SLC46A1: variants seen among roughly 807,000 people sequenced by gnomAD.
SLC46A1 encodes solute carrier family 46 member 1, also known as proton-coupled folate transporter.
In SLC46A1, 17 loss-of-function variants were observed where a neutral mutation model predicts 32.1. That is an observed-to-expected ratio of 0.53 (90% confidence interval 0.36 to 0.79). The LOEUF is 0.79. Among genes scored for constraint, SLC46A1 ranks in the 30% least tolerant of loss-of-function variants. The pLI, the probability that SLC46A1 is intolerant of heterozygous loss-of-function variation, is 0.00. For synonymous variants in SLC46A1, 240 were observed against 262.7 expected (o/e 0.91, Z 0.84); for missense variants, 517 against 588.2 (o/e 0.88, Z 1.25).
intron 1 of SLC46A1, 148 bp from the exon 2 acceptor site, chr17:28,405,616 G>C: frequency 1.6e-6 from 2 of 1,244,816 alleles, no homozygotes; most frequent in Non-Finnish European, 2.2e-6. Flanking sequence ...AAATCTGCCA[G>C]TGGAGAGGGG....
rs1288817381 is a variant in SLC46A1 at position 28,398,706 on chromosome 17, G to T, written c.*950C>A. The T allele has an allele frequency of 6.6e-6, 1 of 152,284 alleles. No individual in the cohort carries two copies. The highest frequency in any genetic ancestry group is 1.5e-5 in the Non-Finnish European group (1 of 68,104). The allele number at this position is 152,284 out of a possible 1,614,324, so 9.4% of individuals were successfully genotyped here. On this transcript the variant is annotated 3_prime_UTR_variant, in exon 5 of 5. Coordinates refer to ENST00000612814, the MANE Select transcript of SLC46A1 (RefSeq NM_080669.6). ...CCACACTCATTCATCCTTTCCCCAGGCCCATGAAGAGAGGCATCTCATTGT... is the reference window on the plus strand; with the variant it reads ...CCACACTCATTCATCCTTTCCCCAGTCCCATGAAGAGAGGCATCTCATTGT...
Position 28,405,924 on chromosome 17 carries a change from C to T in SLC46A1, c.191G>A (p.Gly64Glu), listed in dbSNP as rs2142469782. 2 of 1,609,410 alleles carry T rather than the reference C, an allele frequency of 1.2e-6. No individual in the cohort carries two copies. The highest frequency in any genetic ancestry group is 1.8e-4 in the Middle Eastern group (1 of 5,524). ...GTCCGCGCTGCGGTTGCTGCAGCCC[C>T]CCCTTTGGCGGGTGCCATTGTAGCC... ...DLGYNGTRQR[G>E]GCSNRSADPT... Residue 64 changes from glycine (G) to glutamate (E), a missense_variant, in exon 1 of 5, where the codon GGG (glycine) becomes GAG (glutamate). By Grantham distance (98) the Gly-to-Glu change is moderately conservative. Coordinates refer to ENST00000612814, the MANE Select transcript of SLC46A1 (RefSeq NM_080669.6).
At position 28,404,959 on chromosome 17, in the gene SLC46A1, A is replaced by C. The variant is rs1555590618; in HGVS notation, c.738T>G (p.Arg246=). The C allele has an allele frequency of 1.9e-6, 3 of 1,614,034 alleles. No individual in the cohort carries two copies. In the South Asian group the frequency reaches 3.3e-5, roughly 18 times the overall value. Residue 246 remains arginine (R), a synonymous_variant, in exon 2 of 5, where the codon CGT becomes CGG. Coordinates refer to ENST00000612814, the MANE Select transcript of SLC46A1 (RefSeq NM_080669.6). ...EPKSTRLFTF[R]HHRSIVQLYV... is the part of the protein sequence containing the mutation. ...AGAGCTGGACAATGGATCGGTGGTG[A>C]CGGAACGTGAAGAGCCGGGTGGACT...
At position 28,399,080 on chromosome 17, in the gene SLC46A1, G is replaced by A. The variant is rs1167983887; in HGVS notation, c.*576C>T. 1 of 152,916 alleles carries A rather than the reference G, an allele frequency of 6.5e-6. No individual in the cohort carries two copies. Among genetic ancestry groups the A allele is most frequent in the Non-Finnish European group, 1.5e-5 (1 of 68,468 alleles). The allele number at this position is 152,916 out of a possible 1,614,324, so 9.5% of individuals were successfully genotyped here. The stretch of plus-strand genomic sequence containing the variant: ...TGTAATGATTGGCACTCTTCAGCCA[G>A]GGGAGTGGGTAGGCCATAGCCAAGG... On this transcript the variant is annotated 3_prime_UTR_variant, in exon 5 of 5. Transcript: ENST00000612814.
Position 28,402,244 on chromosome 17 carries a change from C to A in SLC46A1, c.1159G>T (p.Glu387Ter). Residue 387 changes from glutamate (E) to a stop codon, truncating the protein, a stop_gained, in exon 3 of 5, where the codon GAG becomes TAG. Transcript: ENST00000612814. LOFTEE classifies it high-confidence loss of function. The part of the protein sequence containing the change: ...AKLSKLVRET[E>*]QGALFSAVAC... ...GGTGGGTTCTGACACTCACCCTGCT[C>A]TGTCTCTCTCACCAGCTTGGAGAGT... 6.2e-7 allele frequency: 1 copy of A among 1,612,968 alleles called. No individual in the cohort carries two copies. Among genetic ancestry groups the A allele is most frequent in the East Asian group, 2.2e-5 (1 of 44,874 alleles).
chr17:28,402,298 A>C lies in SLC46A1; in HGVS notation c.1105T>G (p.Leu369Val). ...GCCCGGATGACAGGTGTGATGACTAATGACAGGAAAAGCAACCCATATCCT... is the reference window on the plus strand; with the variant it reads ...GCCCGGATGACAGGTGTGATGACTACTGACAGGAAAAGCAACCCATATCCT... ...FTGYGLLFLSLVITPVIRAKL... is the reference protein window; with the variant it reads ...FTGYGLLFLSVVITPVIRAKL... Residue 369 changes from leucine to valine, a missense_variant, in exon 3 of 5, where the codon TTA becomes GTA. Coordinates refer to ENST00000612814, the MANE Select transcript of SLC46A1 (RefSeq NM_080669.6). 1.9e-6 allele frequency: 3 copies of C among 1,613,560 alleles called. No individual in the cohort carries two copies. Among genetic ancestry groups the C allele is most frequent in the Non-Finnish European group, 1.7e-6 (2 of 1,179,724 alleles).
chr17:28,400,915 G>A, intron 3 of SLC46A1, 149 bp from the exon 4 acceptor site: 1 of 739,924 alleles, frequency 1.4e-6, no homozygotes, highest in Non-Finnish European at 2.3e-6. Context: ...CATGTACTGT[G>A]ACAAGGATTC....
chr17:28,400,231 C>T (rs1302010667), intron 4 of SLC46A1: 1 of 263,348 alleles, frequency 3.8e-6, no homozygotes, highest in Non-Finnish European at 7.4e-6. Flanking sequence ...AGGAAAAAGT[C>T]AGCGGGTCAA....
At chr17:28,406,249 G>T, upstream of SLC46A1, 2 of 671,872 alleles carry the variant, frequency 3.0e-6, no homozygotes, top group Non-Finnish European at 2.1e-6. The surrounding 1 kb of genome is among the most constrained non-coding windows in gnomAD (Gnocchi z 4.5). Context: ...AATGTCCGGC[G>T]GGGAGGGGCC....
intron 4 of SLC46A1, 108 bp from the exon 5 acceptor site, chr17:28,399,821 C>T: frequency 9.4e-7 from 1 of 1,068,834 alleles, no homozygotes; most frequent in Non-Finnish European, 1.4e-6. Flanking sequence ...GGTAGCTCTC[C>T]TGAACCTCCT....
At position 28,396,536 on chromosome 17, in the gene SLC46A1, T is replaced by C. The variant is rs147971222; in HGVS notation, c.*3120A>G. 2,443 of 541,756 alleles carry C rather than the reference T, an allele frequency of 4.5e-3. 15 individuals are homozygous for C. The highest frequency in any genetic ancestry group is 0.012 in the Middle Eastern group (25 of 2,052). 33.6% of individuals were successfully genotyped at this position (541,756 alleles called of 1,614,324 possible). A position where few individuals can be genotyped will look rare whatever the true frequency, so the allele number is the denominator to read the frequency against. On this transcript the variant is annotated 3_prime_UTR_variant, in exon 5 of 5. Transcript: ENST00000612814. ...CCCCAGGCCCTGCCATTGGGTTGTC[T>C]GTCTCCGTCATGGGGAGGGTCCCTG...
Position 28,405,304 on chromosome 17 carries a change from G to T in SLC46A1, c.393C>A (p.Ser131=). Residue 131 remains serine (S), a synonymous_variant, in exon 2 of 5, where the codon TCC becomes TCA. Transcript: ENST00000612814. The stretch of plus-strand genomic sequence containing the variant: ...GGAGCTGCAGCTGCACCACAAAAAC[G>T]GACACTAGGGCCTGGAGCAGCAGGC... ...SLGLLLQALV[S]VFVVQLQLHV... 1 of 1,589,344 alleles carries T rather than the reference G, an allele frequency of 6.3e-7. No homozygotes were observed. The highest frequency in any genetic ancestry group is 2.3e-5 in the East Asian group (1 of 43,404).
rs376935474 is a variant in SLC46A1 at position 28,396,759 on chromosome 17, C to T, written c.*2897G>A. 1 of 167,722 alleles carries T rather than the reference C, an allele frequency of 6.0e-6. No homozygotes were observed. The highest frequency in any genetic ancestry group is 1.7e-4 in the East Asian group (1 of 6,018). 10.4% of individuals were successfully genotyped at this position (167,722 alleles called of 1,614,324 possible). A position where few individuals can be genotyped will look rare whatever the true frequency, so the allele number is the denominator to read the frequency against. ...GCCAGGGATGAGTGCCATCATGGCT[C>T]TCCACTCAGACTGTGCCTGGCCCCT... On this transcript the variant is annotated 3_prime_UTR_variant, in exon 5 of 5. Coordinates refer to ENST00000612814, the MANE Select transcript of SLC46A1 (RefSeq NM_080669.6).
chr17:28,396,061 G>C lies in SLC46A1; in HGVS notation c.*3595C>G, dbSNP rs782118770. ...AGGGCCCTGGGACCAGGGGGGTAGG[G>C]TACAAATCACCATGACAGGCAGAGT... is the stretch of plus-strand genomic sequence containing the variant. On this transcript the variant is annotated 3_prime_UTR_variant, in exon 5 of 5. Coordinates refer to ENST00000612814, the MANE Select transcript of SLC46A1 (RefSeq NM_080669.6). 6 of 1,613,524 alleles carry C rather than the reference G, an allele frequency of 3.7e-6. No individual in the cohort carries two copies. The highest frequency in any genetic ancestry group is 5.1e-6 in the Non-Finnish European group (6 of 1,179,676).
rs2068151683 is a variant in SLC46A1, at chr17:28,397,980, C to CAGTGCCA, written c.*1675_*1676insTGGCACT. On this transcript the variant is annotated 3_prime_UTR_variant, in exon 5 of 5. Transcript: ENST00000612814. ...TCCTTCCTTCCACTCCCCTCCCTGC[C>CAGTGCCA]AGAGTCTGTCTTGGCCAGTGCCAGC... 2 of 152,682 alleles carry CAGTGCCA rather than the reference C, an allele frequency of 1.3e-5. No homozygotes were observed. Among genetic ancestry groups the CAGTGCCA allele is most frequent in the Admixed American group, 1.3e-4 (2 of 15,292 alleles). The allele number at this position is 152,682 out of a possible 1,614,324, so 9.5% of individuals were successfully genotyped here.
In SLC46A1 at chr17:28,402,481, ATGGAGAC is replaced by A. The variant is rs1218822776; in HGVS notation, c.1082-167_1082-161del. ...GTGGGAAGACAGTAGTCAAGGAGGAATGGAGACTGCCCTTGTCTGGGCTTGGCCACCT... is the reference window on the plus strand; with the variant it reads ...GTGGGAAGACAGTAGTCAAGGAGGAATGCCCTTGTCTGGGCTTGGCCACCT... On this transcript the variant is annotated intron_variant, in intron 2 of 4. Transcript: ENST00000612814. 54 of 593,180 alleles carry A rather than the reference ATGGAGAC, an allele frequency of 9.1e-5. No individual in the cohort carries two copies. In the Middle Eastern group the frequency reaches 3.3e-3, roughly 36 times the overall value. The allele number at this position is 593,180 out of a possible 1,614,324, so 36.7% of individuals were successfully genotyped here.
Position 28,396,997 on chromosome 17 carries a change from G to C in SLC46A1, c.*2659C>G, listed in dbSNP as rs1346546104. 1 of 152,436 alleles carries C rather than the reference G, an allele frequency of 6.6e-6. No individual in the cohort carries two copies. The highest frequency in any genetic ancestry group is 1.5e-5 in the Non-Finnish European group (1 of 68,128). The allele number at this position is 152,436 out of a possible 1,614,324, so 9.4% of individuals were successfully genotyped here. Reference sequence around the variant, plus strand: ...ACTTGCTGGTGCACAGGAGCCTCCTGTTTGGGCCTGGGTCTGGGCATGGGG... The same window carrying C: ...ACTTGCTGGTGCACAGGAGCCTCCTCTTTGGGCCTGGGTCTGGGCATGGGG... On this transcript the variant is annotated 3_prime_UTR_variant, in exon 5 of 5. Transcript: ENST00000612814.
intron 2 of SLC46A1, chr17:28,403,123 C>G (rs1423906056): frequency 1.3e-5 from 2 of 152,214 alleles, no homozygotes; most frequent in East Asian, 3.9e-4. Context: ...TGGAGGCTTG[C>G]AAGGGAGCAC....
Position 28,404,964 on chromosome 17 carries a change from A to C in SLC46A1, c.733T>G (p.Phe245Val). The C allele has an allele frequency of 6.2e-7, 1 of 1,614,068 alleles. No homozygotes were observed. Among genetic ancestry groups the C allele is most frequent in the African/African-American group, 1.3e-5 (1 of 75,066 alleles). Residue 245 changes from phenylalanine (F) to valine (V), a missense_variant, in exon 2 of 5, where the codon TTC becomes GTC. Coordinates refer to ENST00000612814, the MANE Select transcript of SLC46A1 (RefSeq NM_080669.6). ...KEPKSTRLFTFRHHRSIVQLY... is the reference protein window; with the variant it reads ...KEPKSTRLFTVRHHRSIVQLY... Reference sequence around the variant, plus strand: ...TGGACAATGGATCGGTGGTGACGGAACGTGAAGAGCCGGGTGGACTTTGGC... The same window carrying C: ...TGGACAATGGATCGGTGGTGACGGACCGTGAAGAGCCGGGTGGACTTTGGC...
Sources: allele counts gnomAD v4.1 joint callset, GRCh38; gene constraint gnomAD v4.1.1; non-coding constraint Gnocchi (gnomAD v3.1); transcripts MANE v1.5; gene names NCBI Gene and HGNC (gene_info 2026-07-23, HGNC 2026-07-21).